The following FSTL4 variants were observed in gnomAD, a reference collection of about 807,000 sequenced individuals.
The protein encoded by FSTL4 is follistatin-related protein 4.
A neutral mutation model predicts 78.2 loss-of-function variants in FSTL4; 28 were observed. The observed-to-expected ratio is 0.36, with a 90% CI of 0.27 to 0.49. The LOEUF is 0.49. Ranked by LOEUF, FSTL4 falls within the 20% of genes least tolerant of loss-of-function variation. FSTL4 has a pLI of 0.98. For missense variants in FSTL4, 922 were observed against 1,084.9 expected, an observed-to-expected ratio of 0.85 and a Z score of 2.11; for synonymous variants, 422 against 440.5, an observed-to-expected ratio of 0.96 and a Z score of 0.53.
the FSTL4 span, among the ~76,000 whole-genome samples, chr5:133,647,283 A>G: frequency 6.6e-6 from 1 of 152,172 alleles, no homozygotes; most frequent in East Asian, 1.9e-4. Flanking sequence ...CTCCACTAAA[A>G]TCACTGATGT....
At chr5:133,491,591 A>G (rs1758268783) in intron 3 of FSTL4, among the ~76,000 whole-genome samples, 1 of 151,516 alleles carries the variant, frequency 6.6e-6, no homozygotes, top group East Asian at 1.9e-4. Context: ...TTTAGTAGAG[A>G]CAGGGTTTCA....
At chr5:133,797,738 C>G in the FSTL4 span, among the ~76,000 whole-genome samples, 6 of 152,106 alleles carry the variant, frequency 3.9e-5, no homozygotes, top group African/African-American at 1.4e-4. Flanking sequence ...CCTCCTTCCC[C>G]AGGACTGGGG....
chr5:133,480,106 G>A (rs574752963), intron 3 of FSTL4, among the ~76,000 whole-genome samples: 5 of 152,322 alleles, frequency 3.3e-5, no homozygotes, highest in Middle Eastern at 3.4e-3. Context: ...GTGGACCCCA[G>A]GCGAAGTTGA....
the FSTL4 span, among the ~76,000 whole-genome samples, chr5:133,714,658 G>T: frequency 2.3e-4 from 35 of 152,190 alleles, no homozygotes; most frequent in Non-Finnish European, 3.7e-4. Flanking sequence ...GGCTCTTGAA[G>T]GTAGGAACTG....
chr5:133,354,281 G>T (rs1433013791), intron 4 of FSTL4, among the ~76,000 whole-genome samples: 2 of 152,208 alleles, frequency 1.3e-5, no homozygotes, highest in African/African-American at 4.8e-5. Context: ...ACACACGCAT[G>T]AGCCAGCGCC....
chr5:133,659,522 TAGAG>T, the FSTL4 span, among the ~76,000 whole-genome samples: 20 of 152,026 alleles, frequency 1.3e-4, no homozygotes, highest in Non-Finnish European at 2.7e-4. Flanking sequence ...TAAATTCACT[TAGAG>T]AGTCATTATA....
At chr5:133,729,532 A>G in the FSTL4 span, among the ~76,000 whole-genome samples, 77 of 152,206 alleles carry the variant, frequency 5.1e-4, no homozygotes, top group African/African-American at 1.8e-3. Flanking sequence ...AAATCCCCCC[A>G]ACACCTAACA....
intron 3 of FSTL4, among the ~76,000 whole-genome samples, chr5:133,470,298 A>G (rs1757793586): frequency 6.6e-6 from 1 of 152,180 alleles, no homozygotes; most frequent in Non-Finnish European, 1.5e-5. Flanking sequence ...AATAAAACCC[A>G]AACAGAGATA....
At chr5:133,343,208 A>G (rs1037690631) in intron 4 of FSTL4, among the ~76,000 whole-genome samples, 1 of 152,220 alleles carries the variant, frequency 6.6e-6, no homozygotes, top group African/African-American at 2.4e-5. Context: ...CAACTCTGGA[A>G]GAAGAGAGAA....
At chr5:133,827,207 A>G in the FSTL4 span, among the ~76,000 whole-genome samples, 750 of 152,294 alleles carry the variant, frequency 4.9e-3, 5 homozygotes, top group Non-Finnish European at 8.5e-3. Context: ...CAGCACCAAT[A>G]GGTCTCCATC....
chr5:133,664,322 A>ATTT, the FSTL4 span, among the ~76,000 whole-genome samples: 2 of 151,526 alleles, frequency 1.3e-5, no homozygotes, highest in South Asian at 2.1e-4. Context: ...TTTTTTTTTA[A>ATTT]AAAAAATTCC....
intron 3 of FSTL4, among the ~76,000 whole-genome samples, chr5:133,412,688 C>G (rs1025981066): frequency 1.3e-5 from 2 of 152,104 alleles, no homozygotes; most frequent in African/African-American, 4.8e-5. Flanking sequence ...CTCTCCAGTT[C>G]TATTCCCTCA....
chr5:133,597,546 T>C lies in FSTL4; in HGVS notation c.126+6312A>G, dbSNP rs75594204. Reference sequence around the variant, plus strand: ...GCTAAATTAAGAGGAAGAAAAATAATGGGTTTCTGTGAACTCATAAATGCT... The same window carrying C: ...GCTAAATTAAGAGGAAGAAAAATAACGGGTTTCTGTGAACTCATAAATGCT... On this transcript the variant is annotated intron_variant, in intron 2 of 15. Coordinates refer to ENST00000265342, the MANE Select transcript of FSTL4 (RefSeq NM_015082.2). 7.9e-3 allele frequency among the ~76,000 whole-genome samples: 1,204 copies of C among 152,306 alleles called. 9 individuals are homozygous for C. Among genetic ancestry groups the C allele is most frequent in the South Asian group, 0.015 (71 of 4,828 alleles).
chr5:133,294,315 T>A (rs1379333643), intron 6 of FSTL4, among the ~76,000 whole-genome samples: 1 of 152,114 alleles, frequency 6.6e-6, no homozygotes, highest in Non-Finnish European at 1.5e-5. Context: ...TTGGAGGACA[T>A]CCCCTGATTT....
At chr5:133,695,257 T>C in the FSTL4 span, among the ~76,000 whole-genome samples, 1 of 152,092 alleles carries the variant, frequency 6.6e-6, no homozygotes, top group African/African-American at 2.4e-5. Context: ...TTCTCAACTT[T>C]CCCTCATGGT....
At chr5:133,420,982 G>A (rs988165129) in intron 3 of FSTL4, among the ~76,000 whole-genome samples, 4 of 152,226 alleles carry the variant, frequency 2.6e-5, no homozygotes, top group Non-Finnish European at 5.9e-5. Flanking sequence ...AGCATCCCAG[G>A]ATGGCTCTCT....
intron 4 of FSTL4, among the ~76,000 whole-genome samples, chr5:133,351,479 T>C (rs1754822611): frequency 6.6e-6 from 1 of 152,212 alleles, no homozygotes; most frequent in African/African-American, 2.4e-5. Flanking sequence ...GTTCTTGTCA[T>C]TGTCACCCAT....
chr5:133,824,348 C>T, the FSTL4 span, among the ~76,000 whole-genome samples: 726 of 152,306 alleles, frequency 4.8e-3, 10 homozygotes, highest in African/African-American at 0.016. Context: ...CTCAGGGAAA[C>T]GCTTTACTTA....
chr5:133,288,343 G>C (rs1215524835), intron 6 of FSTL4, among the ~76,000 whole-genome samples: 1 of 152,152 alleles, frequency 6.6e-6, no homozygotes, highest in African/African-American at 2.4e-5. Flanking sequence ...CCCATGGTGG[G>C]ACAGGGAGCC....
Sources: gnomAD v4.1 joint callset for allele counts (sites outside exome capture counted in the v4.1 genomes callset) on GRCh38, gnomAD v4.1.1 for gene constraint, MANE v1.5 for transcripts, NCBI Gene and HGNC (gene_info 2026-07-23, HGNC 2026-07-21) for gene names.